SEPTIN9: variants seen among roughly 807,000 people sequenced by gnomAD.
The protein encoded by SEPTIN9 is septin-9.
In SEPTIN9, 13 loss-of-function variants were observed where a neutral mutation model predicts 56.6. The ratio of observed to expected loss-of-function variants is 0.23; its 90% CI spans 0.15 to 0.37. The LOEUF (loss-of-function observed/expected upper bound fraction) is 0.37, where lower values mean the gene tolerates loss of function less well. SEPTIN9 is among the 10% of genes least tolerant of loss of function. The pLI, the probability that SEPTIN9 is intolerant of heterozygous loss-of-function variation, is 1.00. For synonymous variants in SEPTIN9, 332 were observed against 334.1 expected, an observed-to-expected ratio of 0.99 and a Z score of 0.07; for missense variants, 650 against 823.1, an observed-to-expected ratio of 0.79 and a Z score of 2.57.
intron 2 of SEPTIN9, chr17:77,320,349 G>T: frequency 6.2e-7 from 1 of 1,612,740 alleles, no homozygotes; most frequent in Non-Finnish European, 8.5e-7. Context: ...CGGATCTCAG[G>T]TACGCAGACA....
intron 3 of SEPTIN9, chr17:77,446,763 T>C (rs889936038): frequency 6.0e-6 from 1 of 167,102 alleles, no homozygotes; most frequent in Non-Finnish European, 1.5e-5. Flanking sequence ...GTAACACAGT[T>C]TGGGAAGGGA....
Position 77,402,088 on chromosome 17 carries a change from G to T in SEPTIN9, c.106G>T (p.Val36Phe), listed in dbSNP as rs1202122258. The change falls in exon 3 of 12, where the codon GTC becomes TTC. Residue 36 changes from valine to phenylalanine, a missense_variant. By Grantham distance (50) the Val-to-Phe change is conservative. Around this residue, in one of 2 missense-constraint regions of SEPTIN9, gnomAD observed 317 missense variants for 329.1 expected, o/e 0.96. Coordinates refer to ENST00000427177, the MANE Select transcript of SEPTIN9 (RefSeq NM_001113491.2). The surrounding 1 kb of genome is among the most constrained non-coding windows in gnomAD (Gnocchi z 6.6). ...GAAAAGATCTTTTGAGGTCGAGGAG[G>T]TCGAGACACCCAACTCCACCCCACC... ...ALKRSFEVEE[V>F]ETPNSTPPRR... is the part of the protein sequence containing the mutation. 6.2e-7 allele frequency: 1 copy of T among 1,613,614 alleles called. No homozygotes were observed. Among genetic ancestry groups the T allele is most frequent in the Admixed American group, 1.7e-5 (1 of 59,984 alleles).
At chr17:77,489,987 C>T (rs557965717) in intron 7 of SEPTIN9, among the ~76,000 whole-genome samples, 2 of 152,336 alleles carry the variant, frequency 1.3e-5, no homozygotes, top group East Asian at 1.9e-4. Context: ...CGAGGGCGGG[C>T]GGGCGGTCTG....
rs528068083 is a variant in SEPTIN9 at position 77,330,491 on chromosome 17, A to C, written c.76+23294A>C. Among the ~76,000 whole-genome samples, 3 of 152,276 alleles carry C rather than the reference A, an allele frequency of 2.0e-5. No individual in the cohort carries two copies. The highest frequency in any genetic ancestry group is 7.2e-5 in the African/African-American group (3 of 41,552). ...TCTTGGCGATGGCGTGGACTCAGCCAGGCTCTCGGGCAGCCTTTCCTGGAT... is the reference window on the plus strand; with the variant it reads ...TCTTGGCGATGGCGTGGACTCAGCCCGGCTCTCGGGCAGCCTTTCCTGGAT... On this transcript the variant is annotated intron_variant, in intron 2 of 11. Coordinates refer to ENST00000427177, the MANE Select transcript of SEPTIN9 (RefSeq NM_001113491.2). This position sits in a 1 kb window ranked among gnomAD's most constrained non-coding sequence, Gnocchi z 4.4.
chr17:77,295,222 G>A (rs1460457147), intron 1 of SEPTIN9, among the ~76,000 whole-genome samples: 2 of 152,172 alleles, frequency 1.3e-5, no homozygotes, highest in Non-Finnish European at 2.9e-5. Context: ...TGTGGTTAGG[G>A]CCCTTCTCAG....
chr17:77,468,799 CAG>C, intron 3 of SEPTIN9, among the ~76,000 whole-genome samples: 1 of 148,246 alleles, frequency 6.7e-6, no homozygotes, highest in Non-Finnish European at 1.5e-5. Flanking sequence ...GGGATTCGGA[CAG>C]GGGCAGCTAA....
In SEPTIN9 at chr17:77,487,643, T is replaced by G; in HGVS notation, c.1042+91T>G. 1 of 977,506 alleles carries G rather than the reference T, an allele frequency of 1.0e-6. No individual in the cohort carries two copies. The highest frequency in any genetic ancestry group is 1.4e-6 in the Non-Finnish European group (1 of 715,870). The allele number at this position is 977,506 out of a possible 1,614,324, so 60.6% of individuals were successfully genotyped here. A position where few individuals can be genotyped will look rare whatever the true frequency, so the allele number is the denominator to read the frequency against. ...GGTCAAGACCATCACACACAGTCAG[T>G]GGCCAGGGGCGGGCTGGGGGTGCAG... On this transcript the variant is annotated intron_variant, in intron 5 of 11. Transcript: ENST00000427177. The surrounding 1 kb of genome is among the most constrained non-coding windows in gnomAD (Gnocchi z 4.3).
At chr17:77,292,093 C>T (rs897729188) in intron 1 of SEPTIN9, among the ~76,000 whole-genome samples, 1 of 152,200 alleles carries the variant, frequency 6.6e-6, no homozygotes, top group Non-Finnish European at 1.5e-5. Context: ...CCATCTCTTC[C>T]TCGGCCCCTC....
intron 2 of SEPTIN9, among the ~76,000 whole-genome samples, chr17:77,372,041 C>T (rs2034734834): frequency 6.6e-6 from 1 of 152,130 alleles, no homozygotes; most frequent in African/African-American, 2.4e-5. Context: ...AGCGAGCGAC[C>T]TCAGACCCAG....
At chr17:77,482,848 C>T (rs1039263430) in intron 4 of SEPTIN9, 5 of 439,108 alleles carry the variant, frequency 1.1e-5, no homozygotes, top group Non-Finnish European at 2.1e-5. Context: ...TCGATCAGCA[C>T]GACCTGGGCA....
chr17:77,321,976 C>T (rs995781135), intron 2 of SEPTIN9, among the ~76,000 whole-genome samples: 8 of 152,226 alleles, frequency 5.3e-5, no homozygotes, highest in Non-Finnish European at 8.8e-5. Flanking sequence ...GAGCCGTCCT[C>T]GGAGTGACCA....
At chr17:77,391,396 G>A (rs1475451016) in intron 2 of SEPTIN9, among the ~76,000 whole-genome samples, 3 of 152,162 alleles carry the variant, frequency 2.0e-5, no homozygotes, top group Non-Finnish European at 4.4e-5. Flanking sequence ...TTGGCCTGCA[G>A]ACGCATCACC....
chr17:77,423,981 C>G (rs1304374926), intron 3 of SEPTIN9, among the ~76,000 whole-genome samples: 1 of 152,124 alleles, frequency 6.6e-6, no homozygotes, highest in African/African-American at 2.4e-5. Flanking sequence ...TCGCTGGGAG[C>G]CTGTCCTTGG....
Position 77,498,509 on chromosome 17 carries a change from C to A in SEPTIN9, c.1626-14C>A. 6.3e-6 allele frequency: 3 copies of A among 475,988 alleles called. No homozygotes were observed. Among genetic ancestry groups the A allele is most frequent in the South Asian group, 1.6e-5 (1 of 63,512 alleles). The allele number at this position is 475,988 out of a possible 1,614,324, so 29.5% of individuals were successfully genotyped here. ...CGCCCACCTCACTGACCCGCCCGCCCCCCACCCCCACAGGACGCACATGCA... is the reference window on the plus strand; with the variant it reads ...CGCCCACCTCACTGACCCGCCCGCCACCCACCCCCACAGGACGCACATGCA... On this transcript the variant is annotated splice_polypyrimidine_tract_variant and intron_variant, in intron 11 of 11. Coordinates refer to ENST00000427177, the MANE Select transcript of SEPTIN9 (RefSeq NM_001113491.2).
chr17:77,355,395 T>A (rs372910855), intron 2 of SEPTIN9, among the ~76,000 whole-genome samples: 1 of 152,318 alleles, frequency 6.6e-6, no homozygotes, highest in African/African-American at 2.4e-5. Context: ...GCTGTGCGTG[T>A]AGGATTTGTG....
chr17:77,484,647 GGGT>G (rs1158139273), intron 4 of SEPTIN9, among the ~76,000 whole-genome samples: 7 of 126,936 alleles, frequency 5.5e-5, no homozygotes, highest in African/African-American at 1.5e-4. Flanking sequence ...ATTGTGATGG[GGGT>G]GGTGGTGGTG....
At chr17:77,401,432 G>A (rs1477409819) in intron 2 of SEPTIN9, among the ~76,000 whole-genome samples, 1 of 152,068 alleles carries the variant, frequency 6.6e-6, no homozygotes, top group Non-Finnish European at 1.5e-5. Context: ...GGTGAGGAGG[G>A]ATAAAAACAG....
rs2036691073 is a variant in SEPTIN9, at chr17:77,421,235, T to G, written c.721+18532T>G. ...ATGAAAGAAAACCCCAGTTAGAAGGTGTCCCCCTCTTCCTTCAGTCCCTCA... is the reference window on the plus strand; with the variant it reads ...ATGAAAGAAAACCCCAGTTAGAAGGGGTCCCCCTCTTCCTTCAGTCCCTCA... On this transcript the variant is annotated intron_variant, in intron 3 of 11. Coordinates refer to ENST00000427177, the MANE Select transcript of SEPTIN9 (RefSeq NM_001113491.2). The surrounding 1 kb of genome is among the most constrained non-coding windows in gnomAD (Gnocchi z 4.6). Among the ~76,000 whole-genome samples the G allele has an allele frequency of 6.6e-6, 1 of 152,142 alleles. No individual in the cohort carries two copies. The highest frequency in any genetic ancestry group is 2.4e-5 in the African/African-American group (1 of 41,418).
Position 77,367,850 on chromosome 17 carries a change from TAATAA to T in SEPTIN9, c.77-34203_77-34199del, listed in dbSNP as rs1381129082. Among the ~76,000 whole-genome samples the T allele has an allele frequency of 2.0e-5, 3 of 151,948 alleles. No homozygotes were observed. The highest frequency in any genetic ancestry group is 2.1e-4 in the South Asian group (1 of 4,814). Reference sequence around the variant, plus strand: ...ATGCTAATAATAAATAAAATAATAATAATAAAATAATAAAAGCAAGGACTTGAACA... The same window carrying T: ...ATGCTAATAATAAATAAAATAATAATAATAATAAAAGCAAGGACTTGAACA... On this transcript the variant is annotated intron_variant, in intron 2 of 11. Transcript: ENST00000427177. This position sits in a 1 kb window ranked among gnomAD's most constrained non-coding sequence, Gnocchi z 4.5.
Sources: allele counts gnomAD v4.1 joint callset (sites outside exome capture counted in the v4.1 genomes callset), GRCh38; gene constraint gnomAD v4.1.1; regional missense constraint gnomAD v4.1.1; non-coding constraint Gnocchi (gnomAD v3.1); transcripts MANE v1.5; gene names NCBI Gene and HGNC (gene_info 2026-07-23, HGNC 2026-07-21).